Variants in LACTBL1 observed in about 807,000 individuals in gnomAD.
The protein encoded by LACTBL1 is beta-lactamase-like protein 1.
LACTBL1 carries 29 observed loss-of-function variants against 39.6 expected under a neutral mutation model. That is an observed-to-expected ratio of 0.73 (90% CI 0.55 to 1.00). The LOEUF is 1.00. LACTBL1 is among the 50% of genes least tolerant of loss of function. The probability of loss-of-function intolerance (pLI) is 0.00; values close to 1 mark genes in which losing one functional copy is unlikely to be tolerated. For missense variants in LACTBL1, 711 were observed against 748.5 expected (o/e 0.95, Z 0.59); for synonymous variants, 361 against 360.7 (o/e 1.00, Z -0.01).
chr1:22,971,040 A>G, the LACTBL1 span, among the ~76,000 whole-genome samples: 17 of 152,342 alleles, frequency 1.1e-4, no homozygotes, highest in African/African-American at 3.6e-4. Context: ...CTGCAGGGGC[A>G]GTGAGGACCC....
chr1:22,963,837 G>T (rs1009736659), intron 1 of LACTBL1, among the ~76,000 whole-genome samples: 11 of 152,094 alleles, frequency 7.2e-5, no homozygotes, highest in Non-Finnish European at 1.0e-4. Flanking sequence ...GCATCCTCCA[G>T]GACTATTAAT....
At chr1:22,953,416 G>A (rs894491726) in exon 6 of LACTBL1, 4 of 1,227,670 alleles carry the variant, frequency 3.3e-6, no homozygotes, top group South Asian at 4.1e-5. Context: ...CGCGGTGGGC[G>A]GCGGAGCCGG....
chr1:22,958,429 T>C (rs1227012471), intron 4 of LACTBL1, among the ~76,000 whole-genome samples: 1 of 152,250 alleles, frequency 6.6e-6, no homozygotes, highest in Non-Finnish European at 1.5e-5. Flanking sequence ...AACTTCATTT[T>C]GACCTGCACT....
intron 1 of LACTBL1, among the ~76,000 whole-genome samples, chr1:22,963,437 G>T (rs1640846992): frequency 6.6e-6 from 1 of 152,178 alleles, no homozygotes; most frequent in Non-Finnish European, 1.5e-5. Flanking sequence ...CACAGCTCCT[G>T]GTTGGTGGTC....
chr1:22,963,720 A>C (rs759268497), intron 1 of LACTBL1, among the ~76,000 whole-genome samples: 9 of 152,080 alleles, frequency 5.9e-5, no homozygotes, highest in Non-Finnish European at 1.2e-4. Flanking sequence ...TCGGCACCTC[A>C]GGCGAGAAGG....
At chr1:22,965,462 G>A (rs534180887), upstream of LACTBL1, 10 of 1,233,334 alleles carry the variant, frequency 8.1e-6, no homozygotes, top group South Asian at 3.7e-4. Context: ...GTCCCCTTGG[G>A]GGTCAGTCAG....
the LACTBL1 span, among the ~76,000 whole-genome samples, chr1:22,971,181 T>C: frequency 6.6e-6 from 1 of 152,152 alleles, no homozygotes; most frequent in African/African-American, 2.4e-5. Flanking sequence ...GGGCAGTGAA[T>C]GGCAGAGCTG....
chr1:22,964,061 C>T (rs1384525399), intron 1 of LACTBL1, among the ~76,000 whole-genome samples: 1 of 152,140 alleles, frequency 6.6e-6, no homozygotes, highest in African/African-American at 2.4e-5. Context: ...CTCAGCCTCC[C>T]GAGTAGCTGG....
exon 6 of LACTBL1, chr1:22,953,926 A>C: frequency 6.5e-7 from 1 of 1,550,354 alleles, no homozygotes; most frequent in Non-Finnish European, 8.7e-7. Context: ...CAGCGGCTCC[A>C]GCACGTTCTC....
chr1:22,956,906 C>T (rs566567606), intron 4 of LACTBL1, among the ~76,000 whole-genome samples: 52 of 152,068 alleles, frequency 3.4e-4, no homozygotes, highest in Non-Finnish European at 6.0e-4. Flanking sequence ...GGAAAATTTT[C>T]GTCTTACCCT....
chr1:22,970,245 G>A (rs1274238712), upstream of LACTBL1, among the ~76,000 whole-genome samples: 3 of 152,154 alleles, frequency 2.0e-5, no homozygotes, highest in Non-Finnish European at 2.9e-5. Context: ...ACTATAGTAC[G>A]TCTGTACAAG....
At chr1:22,972,477 G>A in the LACTBL1 span, 3 of 980,042 alleles carry the variant, frequency 3.1e-6, no homozygotes, top group Admixed American at 1.2e-4. Flanking sequence ...AAACAAGGAG[G>A]GTAGACGAGG....
intron 4 of LACTBL1, among the ~76,000 whole-genome samples, chr1:22,956,630 A>G (rs1350641880): frequency 2.0e-5 from 3 of 152,070 alleles, no homozygotes; most frequent in Non-Finnish European, 4.4e-5. Context: ...AGCAAAACCC[A>G]GCACCCCTCC....
chr1:22,959,117 G>A (rs1185010893), intron 3 of LACTBL1, among the ~76,000 whole-genome samples, 197 bp from the exon 6 acceptor site: 2 of 152,220 alleles, frequency 1.3e-5, no homozygotes, highest in Non-Finnish European at 2.9e-5. Flanking sequence ...GAAGCCGAGG[G>A]GCTGAGGTGG....
exon 6 of LACTBL1, chr1:22,953,101 C>T: frequency 8.1e-6 from 10 of 1,229,956 alleles, no homozygotes; most frequent in Non-Finnish European, 1.0e-5. Flanking sequence ...CGTGTTGAGG[C>T]CGGGCACGTC....
the LACTBL1 span, among the ~76,000 whole-genome samples, chr1:22,970,523 T>G: frequency 6.6e-6 from 1 of 152,058 alleles, no homozygotes; most frequent in African/African-American, 2.4e-5. Flanking sequence ...ATCGTGGTGG[T>G]GGTTATGGGA....
At chr1:22,969,505 G>A (rs2124245090), upstream of LACTBL1, among the ~76,000 whole-genome samples, 1 of 152,184 alleles carries the variant, frequency 6.6e-6, no homozygotes, top group South Asian at 2.1e-4. Flanking sequence ...TCTCTCACAT[G>A]TTGAGCACAG....
intron 2 of LACTBL1, among the ~76,000 whole-genome samples, chr1:22,960,588 G>A (rs1202125481): frequency 8.1e-6 from 1 of 123,300 alleles, no homozygotes; most frequent in African/African-American, 3.2e-5. Flanking sequence ...CTGTACTCCA[G>A]CCCAGGCAGC....
upstream of LACTBL1, among the ~76,000 whole-genome samples, chr1:22,966,909 C>G (rs1640885830): frequency 6.6e-6 from 1 of 152,114 alleles, no homozygotes. Context: ...GCCCTCCTGG[C>G]CTGTTACAAT....
Sources: gnomAD v4.1 joint callset for allele counts (sites outside exome capture counted in the v4.1 genomes callset) on GRCh38, gnomAD v4.1.1 for gene constraint, MANE v1.5 for transcripts, NCBI Gene and HGNC (gene_info 2026-07-23, HGNC 2026-07-21) for gene names.